The following DOCK7 variants were observed in gnomAD, a reference collection of about 807,000 sequenced individuals.
The protein encoded by DOCK7 is dedicator of cytokinesis protein 7.
Under a neutral mutation model 271.0 loss-of-function variants are expected in DOCK7, and 138 were observed. The observed-to-expected ratio is 0.51, with a 90% CI of 0.44 to 0.59. The LOEUF (loss-of-function observed/expected upper bound fraction) is 0.59, where lower values mean the gene tolerates loss of function less well. Among genes scored for constraint, DOCK7 ranks in the 20% least tolerant of loss-of-function variants. The probability of loss-of-function intolerance (pLI) is 0.00; values close to 1 mark genes in which losing one functional copy is unlikely to be tolerated. For synonymous variants in DOCK7, 823 were observed against 876.1 expected (o/e 0.94, Z 1.07); for missense variants, 2,066 against 2,592.4 (o/e 0.80, Z 4.41).
chr1:62,457,802 C>A, intron 48 of DOCK7, 97 bp from the exon 49 acceptor site: 13 of 1,116,632 alleles, frequency 1.2e-5, no homozygotes, highest in East Asian at 2.4e-5. Context: ...TATATGTGGG[C>A]TTAATGACAC....
intron 18 of DOCK7, among the ~76,000 whole-genome samples, chr1:62,568,967 T>G (rs903524006): frequency 6.6e-6 from 1 of 151,554 alleles, no homozygotes; most frequent in Non-Finnish European, 1.5e-5. Flanking sequence ...TACAAACACC[T>G]CTCTGCAAGT....
intron 15 of DOCK7, among the ~76,000 whole-genome samples, chr1:62,585,045 C>G (rs1647332207): frequency 6.6e-6 from 1 of 151,986 alleles, no homozygotes; most frequent in Admixed American, 6.6e-5. Context: ...ATCTTTTCAT[C>G]AACTATCATA....
chr1:62,576,456 T>A lies in DOCK7; in HGVS notation c.2112+806A>T, dbSNP rs931323333. Among the ~76,000 whole-genome samples the A allele has an allele frequency of 2.0e-5, 3 of 152,322 alleles. No individual in the cohort carries two copies. In the South Asian group the frequency reaches 6.2e-4, roughly 32 times the overall value. On this transcript the variant is annotated intron_variant, in intron 18 of 49. Transcript: ENST00000635253. ...GCAGAGGCTCTGTGCTATGTGGCTA[T>A]CAAAAGTGAGTGACAGAGAACAGTG...
At chr1:62,673,605 T>G (rs1660238411) in intron 1 of DOCK7, among the ~76,000 whole-genome samples, 1 of 152,144 alleles carries the variant, frequency 6.6e-6, no homozygotes, top group Non-Finnish European at 1.5e-5. Context: ...GGATATAAAT[T>G]TATCTTAAAT....
chr1:62,633,388 C>A, intron 10 of DOCK7, 110 bp downstream of exon 10: 2 of 779,226 alleles, frequency 2.6e-6, no homozygotes, highest in Non-Finnish European at 4.2e-6. Flanking sequence ...TGCTTTGTTG[C>A]ATATTAAAGC....
chr1:62,525,910 A>C (rs1644992614), intron 31 of DOCK7, among the ~76,000 whole-genome samples: 1 of 152,222 alleles, frequency 6.6e-6, no homozygotes, highest in Admixed American at 6.5e-5. Flanking sequence ...AGAATACATA[A>C]AGAACTCTTA....
At chr1:62,485,994 G>A (rs1332164200) in intron 43 of DOCK7, 1 of 152,078 alleles carries the variant, frequency 6.6e-6, no homozygotes, top group Non-Finnish European at 1.5e-5. Flanking sequence ...TACCTTTCAG[G>A]GGTCGATTTA....
chr1:62,558,513 T>C (rs1020042459), intron 20 of DOCK7, among the ~76,000 whole-genome samples: 1 of 151,954 alleles, frequency 6.6e-6, no homozygotes, highest in Non-Finnish European at 1.5e-5. Flanking sequence ...TCCAGAATTA[T>C]AGAAAATAAA....
At chr1:62,641,701 C>G (rs1005421865) in intron 7 of DOCK7, 3 of 348,392 alleles carry the variant, frequency 8.6e-6, no homozygotes, top group African/African-American at 6.3e-5. Context: ...GCCTCATGCA[C>G]CAGGGCCTTC....
At chr1:62,512,154 AGATT>A (rs1006476044) in intron 33 of DOCK7, among the ~76,000 whole-genome samples, 1 of 152,208 alleles carries the variant, frequency 6.6e-6, no homozygotes, top group Non-Finnish European at 1.5e-5. Context: ...AATGATACTT[AGATT>A]ATTATTATGC....
intron 14 of DOCK7, among the ~76,000 whole-genome samples, chr1:62,589,477 T>C (rs1361394615): frequency 3.3e-5 from 5 of 152,148 alleles, no homozygotes; most frequent in Non-Finnish European, 7.4e-5. Context: ...CTTATTTTTT[T>C]TTCCCCCGAC....
intron 35 of DOCK7, among the ~76,000 whole-genome samples, chr1:62,507,501 T>C (rs1646977330): frequency 6.6e-6 from 1 of 152,192 alleles, no homozygotes; most frequent in South Asian, 2.1e-4. Context: ...ACTAAATAAA[T>C]GTCAGCTATC....
chr1:62,456,005 C>A (rs559560477), intron 49 of DOCK7, among the ~76,000 whole-genome samples: 3 of 152,256 alleles, frequency 2.0e-5, no homozygotes, highest in Admixed American at 2.0e-4. Flanking sequence ...AAATGATCTG[C>A]AAGAAGCTTT....
intron 1 of DOCK7, among the ~76,000 whole-genome samples, chr1:62,676,132 T>C (rs2149758635): frequency 6.6e-6 from 1 of 152,322 alleles, no homozygotes; most frequent in South Asian, 2.1e-4. Flanking sequence ...AGAAACAACG[T>C]AAATGTCCAT....
intron 48 of DOCK7, among the ~76,000 whole-genome samples, chr1:62,464,151 C>G (rs1645609051): frequency 6.6e-6 from 1 of 151,982 alleles, no homozygotes. Flanking sequence ...CGTTTGCCTC[C>G]TGGGTCCAAG....
intron 14 of DOCK7, among the ~76,000 whole-genome samples, chr1:62,614,483 A>G: frequency 6.6e-6 from 1 of 151,998 alleles, no homozygotes; most frequent in East Asian, 1.9e-4. Context: ...AAAGCAGGCC[A>G]ATATTGACTC....
chr1:62,477,927 T>G, intron 43 of DOCK7, 102 bp from the exon 44 acceptor site: 1 of 1,303,004 alleles, frequency 7.7e-7, no homozygotes, highest in Non-Finnish European at 1.0e-6. Flanking sequence ...TCCAAAACAT[T>G]GCAAAAAGTT....
At chr1:62,460,604 A>AACACACACACACACACACACAC (rs57641890) in intron 48 of DOCK7, among the ~76,000 whole-genome samples, 1 of 148,906 alleles carries the variant, frequency 6.7e-6, no homozygotes, top group Admixed American at 6.7e-5. Context: ...CAATGTATTG[A>AACACACACACACACACACACAC]ACACACACAC....
intron 14 of DOCK7, among the ~76,000 whole-genome samples, chr1:62,611,215 A>AT (rs1651746600): frequency 6.6e-6 from 1 of 152,178 alleles, no homozygotes; most frequent in African/African-American, 2.4e-5. Flanking sequence ...CAACTTTAAT[A>AT]TTTTGATAAT....
Sources: allele counts gnomAD v4.1 joint callset (sites outside exome capture counted in the v4.1 genomes callset), GRCh38; gene constraint gnomAD v4.1.1; transcripts MANE v1.5; gene names NCBI Gene and HGNC (gene_info 2026-07-23, HGNC 2026-07-21).